TYW1B: variants seen among roughly 807,000 people sequenced by gnomAD.
The protein encoded by TYW1B is tRNA-yW synthesizing protein 1 homolog B.
A neutral mutation model predicts 86.9 loss-of-function variants in TYW1B; 73 were observed. The observed-to-expected ratio is 0.84, with a 90% CI of 0.70 to 1.02. The LOEUF (loss-of-function observed/expected upper bound fraction) is 1.02, where lower values mean the gene tolerates loss of function less well. Among genes scored for constraint, TYW1B ranks in the 50% least tolerant of loss-of-function variants. TYW1B has a pLI of 0.00. For missense variants in TYW1B, 637 were observed against 827.4 expected (o/e 0.77, Z 2.82); for synonymous variants, 248 against 292.8 (o/e 0.85, Z 1.56).
At chr7:72,624,783 C>A (rs1423232869) in intron 12 of TYW1B, among the ~76,000 whole-genome samples, 1 of 152,122 alleles carries the variant, frequency 6.6e-6, no homozygotes, top group East Asian at 1.9e-4. Context: ...TTAAGCCAGG[C>A]GTGGTGGCTC....
intron 8 of TYW1B, among the ~76,000 whole-genome samples, chr7:72,741,541 AG>A (rs1257481231): frequency 3.3e-5 from 5 of 152,306 alleles, no homozygotes; most frequent in Admixed American, 3.3e-4. Context: ...AAGTTCCAGA[AG>A]GAGATAAGAA....
At position 72,669,355 on chromosome 7, in the gene TYW1B, A is replaced by G. The variant is rs1480171640; in HGVS notation, c.1506+25332T>C. 2.2e-4 allele frequency among the ~76,000 whole-genome samples: 33 copies of G among 151,808 alleles called. 1 individual carries two copies. The highest frequency in any genetic ancestry group is 2.1e-3 in the Admixed American group (32 of 15,230). Reference sequence around the variant, plus strand: ...GAGATGGGGTTTCACCATGTTGGCCAGGCTGCTCTTGAATTCCTGACCTCA... The same window carrying G: ...GAGATGGGGTTTCACCATGTTGGCCGGGCTGCTCTTGAATTCCTGACCTCA... On this transcript the variant is annotated intron_variant, in intron 11 of 13. Coordinates refer to ENST00000620995, the MANE Select transcript of TYW1B (RefSeq NM_001145440.3).
intron 11 of TYW1B, among the ~76,000 whole-genome samples, chr7:72,694,270 G>A (rs765789704): frequency 3.3e-5 from 5 of 152,148 alleles, no homozygotes; most frequent in Non-Finnish European, 5.9e-5. Context: ...CTTGGCCTAT[G>A]CCATTTTATA....
chr7:72,762,452 T>C (rs1585964661), intron 7 of TYW1B, among the ~76,000 whole-genome samples: 1 of 152,148 alleles, frequency 6.6e-6, no homozygotes, highest in Non-Finnish European at 1.5e-5. Context: ...CTGTAACTTT[T>C]GTTTTTCCTA....
chr7:72,673,066 G>A (rs1390121502), intron 11 of TYW1B, among the ~76,000 whole-genome samples: 2 of 152,208 alleles, frequency 1.3e-5, no homozygotes, highest in African/African-American at 4.8e-5. Flanking sequence ...TTACTTGGAG[G>A]CTGAGGCAGG....
chr7:72,736,604 T>C, intron 8 of TYW1B, among the ~76,000 whole-genome samples: 1 of 152,120 alleles, frequency 6.6e-6, no homozygotes, highest in East Asian at 1.9e-4. Context: ...AGAAACGCTA[T>C]CCCCTCGGGT....
intron 9 of TYW1B, among the ~76,000 whole-genome samples, chr7:72,716,904 T>C (rs1176984710): frequency 9.0e-5 from 13 of 143,922 alleles, no homozygotes; most frequent in Admixed American, 6.4e-4. Context: ...TGAGCCACCA[T>C]GCCCAGCCAA....
At chr7:72,683,544 TGA>T (rs35816178) in intron 11 of TYW1B, among the ~76,000 whole-genome samples, 1 of 152,194 alleles carries the variant, frequency 6.6e-6, no homozygotes, top group Non-Finnish European at 1.5e-5. Context: ...CACTCCAGCC[TGA>T]GTGACAGAGC....
chr7:72,657,577 A>T (rs1309583103), intron 11 of TYW1B, among the ~76,000 whole-genome samples: 1 of 152,188 alleles, frequency 6.6e-6, no homozygotes, highest in Non-Finnish European at 1.5e-5. Flanking sequence ...GTGAAAGAGA[A>T]TTCTAAAAAC....
chr7:72,585,349 G>A (rs1465191362), intron 13 of TYW1B, among the ~76,000 whole-genome samples: 1 of 152,186 alleles, frequency 6.6e-6, no homozygotes, highest in Non-Finnish European at 1.5e-5. Flanking sequence ...TTATATATGA[G>A]CTGAAAAAAG....
chr7:72,768,577 G>A (rs1169849274), intron 7 of TYW1B, among the ~76,000 whole-genome samples: 1 of 152,032 alleles, frequency 6.6e-6, no homozygotes, highest in East Asian at 1.9e-4. Flanking sequence ...CACGAGGTCA[G>A]GAGATCGAGA....
intron 6 of TYW1B, among the ~76,000 whole-genome samples, chr7:72,790,241 C>T (rs1353896545): frequency 6.6e-6 from 1 of 151,904 alleles, no homozygotes; most frequent in Non-Finnish European, 1.5e-5. Flanking sequence ...CCACTGTGCC[C>T]GGCCAGGAGT....
chr7:72,802,575 T>C, intron 5 of TYW1B, 53 bp from the exon 6 acceptor site: 1 of 1,602,406 alleles, frequency 6.2e-7, no homozygotes, highest in Non-Finnish European at 8.5e-7. Flanking sequence ...AAGGCAAAGT[T>C]CTCTCACCCT....
chr7:72,609,185 G>A (rs1179829198), intron 13 of TYW1B, among the ~76,000 whole-genome samples: 2 of 152,098 alleles, frequency 1.3e-5, no homozygotes, highest in African/African-American at 2.4e-5. Context: ...TGGCTGTCTT[G>A]GTATAACAAT....
At chr7:72,792,318 C>T (rs1365090985) in intron 6 of TYW1B, among the ~76,000 whole-genome samples, 1 of 150,170 alleles carries the variant, frequency 6.7e-6, no homozygotes, top group African/African-American at 2.5e-5. Context: ...CAGAGCAAGA[C>T]TCCATCTCAA....
At chr7:72,627,439 C>A (rs1812372277) in intron 12 of TYW1B, among the ~76,000 whole-genome samples, 2 of 149,740 alleles carry the variant, frequency 1.3e-5, no homozygotes, top group Admixed American at 1.4e-4. Flanking sequence ...CAGAGTGAGA[C>A]TTCATCTCAA....
At chr7:72,658,016 G>A (rs1178552845) in intron 11 of TYW1B, among the ~76,000 whole-genome samples, 4 of 152,202 alleles carry the variant, frequency 2.6e-5, no homozygotes, top group African/African-American at 9.6e-5. Flanking sequence ...AGCACTTTGG[G>A]AGGCCAAGGC....
intron 11 of TYW1B, among the ~76,000 whole-genome samples, chr7:72,640,029 T>G (rs2129569007): frequency 6.6e-6 from 1 of 152,196 alleles, no homozygotes; most frequent in African/African-American, 2.4e-5. Flanking sequence ...TACATTGACT[T>G]TAATAAGTCA....
chr7:72,662,462 G>A (rs1239902522), intron 11 of TYW1B, among the ~76,000 whole-genome samples: 5 of 148,586 alleles, frequency 3.4e-5, no homozygotes, highest in Non-Finnish European at 6.0e-5. Flanking sequence ...TAGATAGATA[G>A]ATAGATAGAT....
Sources: allele counts gnomAD v4.1 joint callset (sites outside exome capture counted in the v4.1 genomes callset), GRCh38; gene constraint gnomAD v4.1.1; transcripts MANE v1.5; gene names NCBI Gene and HGNC (gene_info 2026-07-23, HGNC 2026-07-21).